Variants in IL36B observed in about 807,000 individuals in gnomAD.
IL36B encodes the protein interleukin 36 beta, also known as interleukin-36 beta.
A neutral mutation model predicts 19.3 loss-of-function variants in IL36B; 23 were observed. That is an observed-to-expected ratio of 1.19 (90% CI 0.86 to 1.69). The LOEUF (loss-of-function observed/expected upper bound fraction) is 1.69. IL36B is among the 40% of genes most tolerant of loss of function. The pLI, the probability that IL36B is intolerant of heterozygous loss-of-function variation, is 0.00. For synonymous variants in IL36B, 59 were observed against 59.7 expected (o/e 0.99, Z 0.05); for missense variants, 217 against 200.5 (o/e 1.08, Z -0.50).
intron 1 of IL36B, among the ~76,000 whole-genome samples, chr2:113,041,528 G>A (rs1298538268): frequency 6.6e-6 from 1 of 152,046 alleles, no homozygotes. Context: ...TTAAACTTGA[G>A]GGTGAGCAAA....
At chr2:113,037,398 C>T (rs1685183251) in intron 1 of IL36B, among the ~76,000 whole-genome samples, 1 of 152,116 alleles carries the variant, frequency 6.6e-6, no homozygotes, top group Non-Finnish European at 1.5e-5. Flanking sequence ...ACCTGTAATC[C>T]CAGAACTTTG....
intron 2 of IL36B, 108 bp from the exon 3 acceptor site, chr2:113,031,263 C>T (rs1303286954): frequency 1.1e-5 from 8 of 746,944 alleles, no homozygotes; most frequent in Admixed American, 2.0e-5. Context: ...AGTCTCATTG[C>T]TCTGAGAAGT....
At chr2:113,048,927 T>C (rs1309382164) in intron 1 of IL36B, among the ~76,000 whole-genome samples, 1 of 152,228 alleles carries the variant, frequency 6.6e-6, no homozygotes, top group African/African-American at 2.4e-5. Context: ...CCCATTTCTA[T>C]GAAAGCAATT....
At chr2:113,045,444 C>T (rs1204219959) in intron 1 of IL36B, among the ~76,000 whole-genome samples, 1 of 152,062 alleles carries the variant, frequency 6.6e-6, no homozygotes, top group African/African-American at 2.4e-5. Flanking sequence ...GATTTTGCTG[C>T]TGTAGTTTTC....
intron 1 of IL36B, among the ~76,000 whole-genome samples, chr2:113,037,779 C>T (rs905440496): frequency 6.6e-6 from 1 of 152,076 alleles, no homozygotes; most frequent in Non-Finnish European, 1.5e-5. Flanking sequence ...ATTTTGTACA[C>T]ATGTAAGTAC....
chr2:113,028,058 A>G (rs780567549), intron 4 of IL36B: 2 of 1,614,182 alleles, frequency 1.2e-6, no homozygotes, highest in East Asian at 2.2e-5. Flanking sequence ...TTATTGTGGA[A>G]AAAGAGAAAG....
chr2:113,027,865 T>C, intron 4 of IL36B: 1 of 1,610,292 alleles, frequency 6.2e-7, no homozygotes, highest in Non-Finnish European at 8.5e-7. Flanking sequence ...AGCTTGATTC[T>C]CTATCCTGGA....
At chr2:113,046,259 G>C (rs946832764) in intron 1 of IL36B, among the ~76,000 whole-genome samples, 1 of 148,072 alleles carries the variant, frequency 6.8e-6, no homozygotes, top group African/African-American at 2.5e-5. Flanking sequence ...ACCCAGGCTG[G>C]AGTGCAGTGG....
intron 3 of IL36B, among the ~76,000 whole-genome samples, chr2:113,030,102 G>A (rs1361453863): frequency 6.6e-6 from 1 of 152,076 alleles, no homozygotes. Context: ...ACAGTGGTGG[G>A]CACCTGTAAT....
intron 1 of IL36B, among the ~76,000 whole-genome samples, chr2:113,051,075 T>G (rs192532710): frequency 3.3e-5 from 5 of 151,580 alleles, no homozygotes; most frequent in East Asian, 1.9e-4. Flanking sequence ...GTGCCTCTCA[T>G]CGTGGCCTCC....
intron 1 of IL36B, among the ~76,000 whole-genome samples, chr2:113,032,213 T>G (rs182028458): frequency 6.6e-6 from 1 of 151,578 alleles, no homozygotes; most frequent in Admixed American, 6.6e-5. Flanking sequence ...ATCACCACTT[T>G]TCCTGACTTG....
intron 1 of IL36B, among the ~76,000 whole-genome samples, chr2:113,039,083 T>C (rs763164277): frequency 1.3e-5 from 2 of 152,210 alleles, no homozygotes; most frequent in Non-Finnish European, 2.9e-5. Context: ...GATTTCTGCA[T>C]CCAGCCTCCT....
At chr2:113,052,464 G>T (rs903850262) in intron 1 of IL36B, among the ~76,000 whole-genome samples, 1 of 152,194 alleles carries the variant, frequency 6.6e-6, no homozygotes, top group Admixed American at 6.5e-5. Context: ...GACCTTAGGT[G>T]ACTTAGCCTC....
At chr2:113,027,611 G>A in intron 4 of IL36B, 1 of 1,227,502 alleles carries the variant, frequency 8.1e-7, no homozygotes, top group South Asian at 2.1e-5. Context: ...GCATGAAGCA[G>A]CATTTGGGGG....
At chr2:113,050,733 T>TA (rs1180501895) in intron 1 of IL36B, among the ~76,000 whole-genome samples, 3 of 152,156 alleles carry the variant, frequency 2.0e-5, no homozygotes, top group African/African-American at 7.2e-5. Context: ...ATAATAATAA[T>TA]AAAAAAAGAT....
At chr2:113,024,923 G>T (rs1684929433) in intron 5 of IL36B, among the ~76,000 whole-genome samples, 1 of 152,160 alleles carries the variant, frequency 6.6e-6, no homozygotes, top group Non-Finnish European at 1.5e-5. Flanking sequence ...GGCCATCCTT[G>T]AGGCCATTTG....
intron 4 of IL36B, 66 bp from the exon 5 acceptor site, chr2:113,028,181 T>G: frequency 7.7e-7 from 1 of 1,305,862 alleles, no homozygotes; most frequent in Non-Finnish European, 1.1e-6. Flanking sequence ...AACTCAGCTC[T>G]GAGTGTGTAA....
At chr2:113,029,152 G>A (rs1164623234) in intron 3 of IL36B, 74 bp from the exon 4 acceptor site, 31 of 1,461,432 alleles carry the variant, frequency 2.1e-5, no homozygotes, top group Non-Finnish European at 2.8e-5. Flanking sequence ...CCCCCAGGTA[G>A]GGAATAGTGA....
rs755272448 is a variant in IL36B, at chr2:113,031,704, G to A, written c.6C>T (p.Asn2=). The change falls in exon 2 of 6, where the codon AAC becomes AAT. Residue 2 remains asparagine (N), a synonymous_variant. Transcript: ENST00000259213. Reference sequence around the variant, plus strand: ...TTGCAATTCACCACTTACGTTGTGGGTTCATGATGTCTTCAGAGCCTTTTG... The same window carrying A: ...TTGCAATTCACCACTTACGTTGTGGATTCATGATGTCTTCAGAGCCTTTTG... The A allele has an allele frequency of 1.9e-6, 3 of 1,610,404 alleles. No individual in the cohort carries two copies. The highest frequency in any genetic ancestry group is 2.7e-5 in the African/African-American group (2 of 74,978).
Sources: allele counts gnomAD v4.1 joint callset (sites outside exome capture counted in the v4.1 genomes callset), GRCh38; gene constraint gnomAD v4.1.1; transcripts MANE v1.5; gene names NCBI Gene and HGNC (gene_info 2026-07-23, HGNC 2026-07-21).